Variants in STPG2 observed in about 807,000 individuals in gnomAD.
The protein encoded by STPG2 is sperm tail PG-rich repeat containing 2.
In STPG2, 56 loss-of-function variants were observed where a neutral mutation model predicts 54.2. The observed-to-expected ratio is 1.03, with a 90% CI of 0.83 to 1.29. STPG2 has a LOEUF of 1.29. STPG2 is among the 50% of genes most tolerant of loss of function. STPG2 has a pLI of 0.00. For missense variants in STPG2, 596 were observed against 544.9 expected, an observed-to-expected ratio of 1.09 and a Z score of -0.93; for synonymous variants, 200 against 181.8, an observed-to-expected ratio of 1.10 and a Z score of -0.81.
intron 8 of STPG2, among the ~76,000 whole-genome samples, chr4:97,860,714 C>G (rs1578631180): frequency 6.6e-6 from 1 of 151,974 alleles, no homozygotes; most frequent in Non-Finnish European, 1.5e-5. Flanking sequence ...ATGACCGTAT[C>G]ATCAGCAAAC....
chr4:97,764,482 G>A (rs1214779562), intron 9 of STPG2, among the ~76,000 whole-genome samples: 1 of 152,114 alleles, frequency 6.6e-6, no homozygotes, highest in East Asian at 1.9e-4. Flanking sequence ...ATTGTTTTCT[G>A]AAGGTTAAAG....
At chr4:97,959,715 GA>G (rs1233898260) in intron 7 of STPG2, among the ~76,000 whole-genome samples, 7 of 146,280 alleles carry the variant, frequency 4.8e-5, no homozygotes, top group South Asian at 2.1e-4. Context: ...AACTTACCAA[GA>G]AAAAAAAAAG....
Position 97,765,824 on chromosome 4 carries a change from A to G in STPG2, c.1205-53010T>C, listed in dbSNP as rs72879577. 3.4e-3 allele frequency among the ~76,000 whole-genome samples: 512 copies of G among 152,320 alleles called. 3 individuals carry two copies. Among genetic ancestry groups the G allele is most frequent in the Middle Eastern group, 0.017 (5 of 294 alleles). ...GGAACTGGGATGTTCTATTTGTCAA[A>G]TAACAGATGTGGAGACATTGTAATA... On this transcript the variant is annotated intron_variant, in intron 9 of 10. Transcript: ENST00000295268.
chr4:98,122,271 T>G (rs868282849), intron 3 of STPG2, among the ~76,000 whole-genome samples: 1 of 152,222 alleles, frequency 6.6e-6, no homozygotes, highest in East Asian at 1.9e-4. Context: ...CATCATTGTC[T>G]TGTGCCAGTT....
intron 7 of STPG2, among the ~76,000 whole-genome samples, chr4:97,959,963 A>T (rs1733827555): frequency 6.6e-6 from 1 of 152,180 alleles, no homozygotes; most frequent in Admixed American, 6.5e-5. Flanking sequence ...ATACTAGCTC[A>T]CTGAATCCAA....
intron 5 of STPG2, among the ~76,000 whole-genome samples, chr4:98,027,052 G>A (rs190367096): frequency 1.3e-5 from 2 of 152,164 alleles, no homozygotes; most frequent in Admixed American, 6.5e-5. Context: ...AACTTATCAG[G>A]CAGATTCTCA....
intron 4 of STPG2, among the ~76,000 whole-genome samples, chr4:98,106,438 T>G (rs1040971987): frequency 2.6e-5 from 4 of 152,120 alleles, no homozygotes; most frequent in Non-Finnish European, 5.9e-5. Context: ...AATAGCCCTA[T>G]GCTATTTATA....
At chr4:97,566,421 A>G (rs1224766071) in intron 10 of STPG2, among the ~76,000 whole-genome samples, 1 of 152,132 alleles carries the variant, frequency 6.6e-6, no homozygotes, top group Non-Finnish European at 1.5e-5. Flanking sequence ...TGCTTCGGCT[A>G]GCACATGGCG....
intron 5 of STPG2, chr4:98,025,437 T>G (rs1284579555): frequency 2.2e-6 from 1 of 446,510 alleles, no homozygotes; most frequent in Non-Finnish European, 4.3e-6. Flanking sequence ...AGATACCAAG[T>G]GAAATTTAGA....
At chr4:97,677,712 C>T (rs1023777706) in intron 10 of STPG2, among the ~76,000 whole-genome samples, 3 of 152,286 alleles carry the variant, frequency 2.0e-5, no homozygotes, top group African/African-American at 7.2e-5. Flanking sequence ...CGAGAACAAC[C>T]ATCTTGAACC....
chr4:97,587,637 T>C (rs188408642), intron 10 of STPG2, among the ~76,000 whole-genome samples: 8 of 152,106 alleles, frequency 5.3e-5, no homozygotes, highest in Admixed American at 3.9e-4. Flanking sequence ...CTGAGATCTG[T>C]AGAAGTTTGG....
At chr4:97,891,035 C>G (rs1350213314) in intron 8 of STPG2, among the ~76,000 whole-genome samples, 1 of 151,360 alleles carries the variant, frequency 6.6e-6, no homozygotes, top group Non-Finnish European at 1.5e-5. Flanking sequence ...GAACTGAAAC[C>G]AAAAAGTGCT....
chr4:97,859,612 G>A (rs569565404), intron 8 of STPG2, among the ~76,000 whole-genome samples: 2 of 151,906 alleles, frequency 1.3e-5, no homozygotes, highest in East Asian at 1.9e-4. Context: ...CTACAGGCAC[G>A]TGCCACCATG....
chr4:97,487,011 T>C (rs1730382037), intron 4 of STPG2, among the ~76,000 whole-genome samples: 2 of 151,286 alleles, frequency 1.3e-5, no homozygotes, highest in African/African-American at 4.8e-5. Context: ...AACCAAACAC[T>C]GTATGTTCTC....
intron 9 of STPG2, among the ~76,000 whole-genome samples, chr4:97,777,084 A>C (rs1560523152): frequency 6.6e-6 from 1 of 152,222 alleles, no homozygotes; most frequent in Non-Finnish European, 1.5e-5. Flanking sequence ...GTGATGATTA[A>C]TCACTATTAT....
At chr4:97,482,031 G>C (rs1373593470) in intron 4 of STPG2, among the ~76,000 whole-genome samples, 5 of 151,390 alleles carry the variant, frequency 3.3e-5, no homozygotes, top group Non-Finnish European at 7.4e-5. Context: ...CTAGTTGGCT[G>C]CTAATTTTTA....
chr4:98,000,017 T>G (rs573526673), intron 5 of STPG2, among the ~76,000 whole-genome samples: 2 of 152,230 alleles, frequency 1.3e-5, no homozygotes, highest in African/African-American at 4.8e-5. Flanking sequence ...TATATCCATT[T>G]TAATACTATA....
chr4:97,520,183 A>T (rs1560641890), intron 4 of STPG2, among the ~76,000 whole-genome samples: 3 of 152,016 alleles, frequency 2.0e-5, no homozygotes, highest in Non-Finnish European at 4.4e-5. Context: ...CAGTTGGTGG[A>T]AGGGAAATAA....
chr4:98,005,400 C>T (rs1190420316), intron 5 of STPG2, among the ~76,000 whole-genome samples: 2 of 152,140 alleles, frequency 1.3e-5, no homozygotes, highest in Non-Finnish European at 2.9e-5. Flanking sequence ...GAACAAACAG[C>T]TCTGAATAGG....
Sources: gnomAD v4.1 joint callset for allele counts (sites outside exome capture counted in the v4.1 genomes callset) on GRCh38, gnomAD v4.1.1 for gene constraint, MANE v1.5 for transcripts, NCBI Gene and HGNC (gene_info 2026-07-23, HGNC 2026-07-21) for gene names.